Variants in C20orf173 observed in about 807,000 individuals in gnomAD.
The protein encoded by C20orf173 is uncharacterized protein C20orf173.
Under a neutral mutation model 26.7 loss-of-function variants are expected in C20orf173, and 22 were observed. That is an observed-to-expected ratio of 0.82 (90% confidence interval 0.59 to 1.18). The LOEUF (loss-of-function observed/expected upper bound fraction) is 1.18. Among genes scored for constraint, C20orf173 ranks in the 50% most tolerant of loss-of-function variants. The pLI, the probability that C20orf173 is intolerant of heterozygous loss-of-function variation, is 0.00. For synonymous variants in C20orf173, 85 were observed against 96.4 expected, an observed-to-expected ratio of 0.88 and a Z score of 0.69; for missense variants, 210 against 250.3, an observed-to-expected ratio of 0.84 and a Z score of 1.09.
rs115700183 is a variant in C20orf173 at position 35,528,675 on chromosome 20, G to A, written c.488+26C>T. On this transcript the variant is annotated intron_variant, in intron 3 of 5. Coordinates refer to ENST00000444723, the MANE Select transcript of C20orf173 (RefSeq NM_001145350.2). ...ACTGTGGGGCAGGCCTGGCCTTCCT[G>A]CTCCCGCCCTCTCCCCAGCACCCAC... is the stretch of plus-strand genomic sequence containing the variant. The A allele has an allele frequency of 2.6e-3, 4,016 of 1,529,208 alleles. 93 individuals are homozygous for A. The African/African-American group carries it at 0.049, about 19-fold the overall frequency. 94.7% of individuals were successfully genotyped at this position (1,529,208 alleles called of 1,614,324 possible).
In C20orf173 at chr20:35,528,476, C is replaced by T. The variant is rs1224392058; in HGVS notation, c.557G>A (p.Trp186Ter). Residue 186 changes from tryptophan to a stop codon, truncating the protein, a stop_gained, in exon 4 of 6, where the codon TGG (tryptophan) becomes TAG (stop). Transcript: ENST00000444723. LOFTEE classifies it high-confidence loss of function. ...CTTATCACTTAGAGCATCTGAAGTC[C>T]ACACCAGGTCAGAGAGCTTCCGCAG... ...MLLRKLSDLV[W>*]TSDALSDKIL... 2 of 1,551,622 alleles carry T rather than the reference C, an allele frequency of 1.3e-6. No individual in the cohort carries two copies. Among genetic ancestry groups the T allele is most frequent in the Non-Finnish European group, 1.7e-6 (2 of 1,147,012 alleles).
At chr20:35,528,627 G>A in intron 3 of C20orf173, 74 bp downstream of exon 3, 1 of 1,545,406 alleles carries the variant, frequency 6.5e-7, no homozygotes, top group Non-Finnish European at 8.8e-7. Context: ...TTCATCTTGG[G>A]AAGGGGAGCA....
downstream of C20orf173, among the ~76,000 whole-genome samples, chr20:35,521,587 C>T (rs913999151): frequency 2.7e-5 from 4 of 150,056 alleles, no homozygotes; most frequent in African/African-American, 4.9e-5. Context: ...TTAGATTTAA[C>T]GGGAAGTCCT....
rs910226841 is a variant in C20orf173, at chr20:35,529,150, C to T, written c.224G>A (p.Trp75Ter). 1.3e-6 allele frequency: 2 copies of T among 1,551,610 alleles called. No homozygotes were observed. Among genetic ancestry groups the T allele is most frequent in the Admixed American group, 3.9e-5 (2 of 50,980 alleles). Residue 75 changes from tryptophan (W) to a stop codon, truncating the protein, a stop_gained, in exon 2 of 6, where the codon TGG (tryptophan) becomes TAG (stop). Transcript: ENST00000444723. LOFTEE classifies it high-confidence loss of function. ...AGTCTTCCTGGAGCACGCATCAAGC[C>T]AGTTCCATTCGTCGGCTGTGTGGTG... ...SCHHTADEWN[W>*]LDACSRKTMG...
At chr20:35,529,445 G>A in intron 1 of C20orf173, 21 bp from the exon 2 acceptor site, 2 of 1,387,570 alleles carry the variant, frequency 1.4e-6, no homozygotes, top group East Asian at 5.0e-5. Flanking sequence ...GAGGGGCTGA[G>A]GCCACAGACA....
chr20:35,529,523 A>C, intron 1 of C20orf173, 36 bp downstream of exon 1: 1 of 681,838 alleles, frequency 1.5e-6, no homozygotes, highest in Non-Finnish European at 2.4e-6. Flanking sequence ...CCTCCTTCCA[A>C]CCCCTCCTCT....
At chr20:35,528,933 G>A in intron 2 of C20orf173, 54 bp from the exon 3 acceptor site, 1 of 1,547,308 alleles carries the variant, frequency 6.5e-7, no homozygotes, top group Non-Finnish European at 8.7e-7. Context: ...AGAAAACAGA[G>A]CTGGGTGGGT....
At chr20:35,525,879 G>C (rs543723152), downstream of C20orf173, among the ~76,000 whole-genome samples, 2 of 152,308 alleles carry the variant, frequency 1.3e-5, no homozygotes, top group East Asian at 3.9e-4. Context: ...AAATTAAGGG[G>C]TGAATTATGC....
rs1466433761 is a variant in C20orf173 at position 35,528,690 on chromosome 20, C to T, written c.488+11G>A. Reference sequence around the variant, plus strand: ...TGGCCTTCCTGCTCCCGCCCTCTCCCCAGCACCCACCTGAAAACCACGGGG... The same window carrying T: ...TGGCCTTCCTGCTCCCGCCCTCTCCTCAGCACCCACCTGAAAACCACGGGG... On this transcript the variant is annotated intron_variant, in intron 3 of 5. Coordinates refer to ENST00000444723, the MANE Select transcript of C20orf173 (RefSeq NM_001145350.2). 2 of 1,528,386 alleles carry T rather than the reference C, an allele frequency of 1.3e-6. No individual in the cohort carries two copies. The highest frequency in any genetic ancestry group is 1.8e-6 in the Non-Finnish European group (2 of 1,135,050). 94.7% of individuals were successfully genotyped at this position (1,528,386 alleles called of 1,614,324 possible). A position where few individuals can be genotyped will look rare whatever the true frequency, so the allele number is the denominator to read the frequency against.
intron 5 of C20orf173, among the ~76,000 whole-genome samples, chr20:35,527,484 G>C (rs2064510956): frequency 6.6e-6 from 1 of 152,154 alleles, no homozygotes; most frequent in African/African-American, 2.4e-5. Context: ...GAACCCCCAG[G>C]ACGTAAGAGA....
In C20orf173 at chr20:35,529,626, T is replaced by G. The variant is rs1215144593; in HGVS notation, c.-119A>C. 3.9e-6 allele frequency: 2 copies of G among 518,348 alleles called. No homozygotes were observed. Among genetic ancestry groups the G allele is most frequent in the Non-Finnish European group, 6.9e-6 (2 of 288,774 alleles). The allele number at this position is 518,348 out of a possible 1,614,324, so 32.1% of individuals were successfully genotyped here. On this transcript the variant is annotated 5_prime_UTR_variant, in exon 1 of 6. Coordinates refer to ENST00000444723, the MANE Select transcript of C20orf173 (RefSeq NM_001145350.2). ...GGGCAGAGAGACAGCATGTGGCTAG[T>G]CCTGAGAGGGGAAGGAATACCTCAG...
chr20:35,529,422 T>A lies in C20orf173; in HGVS notation c.-49A>T. ...GTGGTGGGCCGTAGACTGGCTTCTC[T>A]ACCTGTAAGGATGAGGGGCTGAGGC... On this transcript the variant is annotated splice_region_variant and 5_prime_UTR_variant, in exon 2 of 6. Coordinates refer to ENST00000444723, the MANE Select transcript of C20orf173 (RefSeq NM_001145350.2). The A allele has an allele frequency of 6.8e-7, 1 of 1,470,586 alleles. No individual in the cohort carries two copies. Among genetic ancestry groups the A allele is most frequent in the Non-Finnish European group, 9.0e-7 (1 of 1,105,456 alleles). The allele number at this position is 1,470,586 out of a possible 1,614,324, so 91.1% of individuals were successfully genotyped here. A position where few individuals can be genotyped will look rare whatever the true frequency, so the allele number is the denominator to read the frequency against.
chr20:35,529,046 C>G lies in C20orf173; in HGVS notation c.309+19G>C. 1 of 1,545,538 alleles carries G rather than the reference C, an allele frequency of 6.5e-7. No individual in the cohort carries two copies. The highest frequency in any genetic ancestry group is 2.5e-5 in the East Asian group (1 of 40,750). On this transcript the variant is annotated intron_variant, in intron 2 of 5. Transcript: ENST00000444723. ...GGAAAGCATGGGGGATATGGCCGGG[C>G]CCAGTGTTGACCACTGACCAACCAC...
downstream of C20orf173, among the ~76,000 whole-genome samples, chr20:35,524,439 C>T (rs372508910): frequency 1.1e-4 from 16 of 152,252 alleles, no homozygotes; most frequent in African/African-American, 3.4e-4. Flanking sequence ...ACCCAAGTTA[C>T]AATAAGCATA....
downstream of C20orf173, among the ~76,000 whole-genome samples, chr20:35,524,222 T>C (rs938615586): frequency 5.3e-5 from 8 of 151,908 alleles, no homozygotes; most frequent in African/African-American, 1.9e-4. Flanking sequence ...GGTTTCACCA[T>C]GTTGGCCAGG....
Position 35,528,292 on chromosome 20 carries a change from A to G in C20orf173, c.583-8T>C, listed in dbSNP as rs758670047. 1.8e-5 allele frequency: 28 copies of G among 1,551,896 alleles called. No individual in the cohort carries two copies. The South Asian group carries it at 3.2e-4, about 18-fold the overall frequency. On this transcript the variant is annotated splice_polypyrimidine_tract_variant and splice_region_variant and intron_variant, in intron 4 of 5. Coordinates refer to ENST00000444723, the MANE Select transcript of C20orf173 (RefSeq NM_001145350.2). ...CAGACCATCTTCCAAAATCTGAGAA[A>G]GAATTGGAGGTGGGGGAGTTTGGGC...
rs1246750751 is a variant in C20orf173, at chr20:35,529,067, AC to A, written c.306del (p.Trp102CysfsTer4). ...CGGGCCCAGTGTTGACCACTGACCA[AC>A]CACCAGAGCACAGTGTCAGAGGTCA... ...ESMTSDTVLWWLGMNSGSELG... is the reference protein window; with the variant it reads ...ESMTSDTVLWXLGMNSGSELG... On this transcript the variant is annotated frameshift_variant, in exon 2 of 6. Coordinates refer to ENST00000444723, the MANE Select transcript of C20orf173 (RefSeq NM_001145350.2). LOFTEE classifies it high-confidence loss of function. 1 of 1,548,572 alleles carries A rather than the reference AC, an allele frequency of 6.5e-7. No individual in the cohort carries two copies. Among genetic ancestry groups the A allele is most frequent in the South Asian group, 1.2e-5 (1 of 84,016 alleles).
chr20:35,521,808 A>G (rs966806313), downstream of C20orf173, among the ~76,000 whole-genome samples: 1 of 152,080 alleles, frequency 6.6e-6, no homozygotes, highest in African/African-American at 2.4e-5. Flanking sequence ...GCGTTTCTCC[A>G]TGTTGGTCAG....
downstream of C20orf173, among the ~76,000 whole-genome samples, chr20:35,526,110 C>T (rs768625993): frequency 5.9e-5 from 9 of 152,216 alleles, no homozygotes; most frequent in Non-Finnish European, 1.2e-4. Context: ...GAACCAGGCT[C>T]AGTCTATCAT....
Sources: allele counts gnomAD v4.1 joint callset (sites outside exome capture counted in the v4.1 genomes callset), GRCh38; gene constraint gnomAD v4.1.1; transcripts MANE v1.5; gene names NCBI Gene and HGNC (gene_info 2026-07-23, HGNC 2026-07-21).